CPHXL2: variants seen among roughly 807,000 people sequenced by gnomAD.
CPHXL2 encodes cytoplasmic polyadenylated homeobox-like protein 2.
the CPHXL2 span, among the ~76,000 whole-genome samples, chr16:75,673,302 G>T: frequency 6.6e-6 from 1 of 151,848 alleles, no homozygotes; most frequent in African/African-American, 2.4e-5. Flanking sequence ...GGGCATGGAG[G>T]CACATGCCTG....
chr16:75,662,642 G>A, the CPHXL2 span, among the ~76,000 whole-genome samples: 3 of 152,008 alleles, frequency 2.0e-5, no homozygotes, highest in East Asian at 1.9e-4. Context: ...AATAACCCTA[G>A]TTATTTCATT....
chr16:75,663,747 A>C, the CPHXL2 span, among the ~76,000 whole-genome samples: 1 of 151,718 alleles, frequency 6.6e-6, no homozygotes, highest in African/African-American at 2.4e-5. Flanking sequence ...TTAGCCGGGC[A>C]TGGTGGCGGG....
the CPHXL2 span, among the ~76,000 whole-genome samples, chr16:75,674,218 A>T: frequency 4.6e-5 from 7 of 150,802 alleles, no homozygotes; most frequent in South Asian, 1.3e-3. Flanking sequence ...CTAAAAATAC[A>T]AAAAATTAGC....
At chr16:75,660,668 C>T in the CPHXL2 span, 1 of 398,656 alleles carries the variant, frequency 2.5e-6, no homozygotes, top group East Asian at 3.6e-5. Flanking sequence ...GGTCTTTCTT[C>T]ACCCCGTAAG....
chr16:75,667,845 C>T, the CPHXL2 span, among the ~76,000 whole-genome samples: 1 of 152,262 alleles, frequency 6.6e-6, no homozygotes, highest in Non-Finnish European at 1.5e-5. Flanking sequence ...CCTGCCCCTA[C>T]CTAGGTCCCC....
At chr16:75,665,687 AC>A in the CPHXL2 span, among the ~76,000 whole-genome samples, 1 of 152,174 alleles carries the variant, frequency 6.6e-6, no homozygotes, top group African/African-American at 2.4e-5. Flanking sequence ...ACATGGCGAA[AC>A]CCCAATTCTA....
chr16:75,673,353 T>C, the CPHXL2 span, among the ~76,000 whole-genome samples: 1 of 151,924 alleles, frequency 6.6e-6, no homozygotes, highest in Admixed American at 6.6e-5. Flanking sequence ...GAAGTTTCCT[T>C]TAGCCTGGGA....
chr16:75,663,400 CTG>C, the CPHXL2 span, among the ~76,000 whole-genome samples: 2 of 152,160 alleles, frequency 1.3e-5, no homozygotes, highest in Non-Finnish European at 2.9e-5. Flanking sequence ...CATCTTGAAA[CTG>C]TAAACCAAAA....
At chr16:75,665,580 T>C in the CPHXL2 span, among the ~76,000 whole-genome samples, 2 of 152,158 alleles carry the variant, frequency 1.3e-5, no homozygotes, top group Non-Finnish European at 2.9e-5. Flanking sequence ...CACCAAGGTA[T>C]AGCCAGGTGC....
At chr16:75,671,700 TAAAAC>T in the CPHXL2 span, among the ~76,000 whole-genome samples, 1 of 152,122 alleles carries the variant, frequency 6.6e-6, no homozygotes, top group African/African-American at 2.4e-5. Context: ...ATGGGTGAAT[TAAAAC>T]AAATATTTAT....
chr16:75,660,511 C>T, the CPHXL2 span: 2 of 398,490 alleles, frequency 5.0e-6, no homozygotes, highest in Non-Finnish European at 8.8e-6. Context: ...TTCTCTAGAT[C>T]CCAAGGACCC....
At chr16:75,669,846 A>G in the CPHXL2 span, among the ~76,000 whole-genome samples, 8 of 152,226 alleles carry the variant, frequency 5.3e-5, no homozygotes, top group Non-Finnish European at 1.0e-4. Flanking sequence ...TCAAGCCACA[A>G]TAGCGGAATC....
chr16:75,672,050 T>C, the CPHXL2 span, among the ~76,000 whole-genome samples: 18 of 151,258 alleles, frequency 1.2e-4, no homozygotes, highest in Non-Finnish European at 2.7e-4. Context: ...GGTGGGCGGA[T>C]GACTTGAGGT....
At chr16:75,661,890 T>C in the CPHXL2 span, among the ~76,000 whole-genome samples, 1 of 152,174 alleles carries the variant, frequency 6.6e-6, no homozygotes. Context: ...TGTGAGCAAA[T>C]GTGTTTCCCC....
chr16:75,662,089 G>T, the CPHXL2 span, among the ~76,000 whole-genome samples: 213 of 152,290 alleles, frequency 1.4e-3, no homozygotes, highest in African/African-American at 4.7e-3. Context: ...CTGGCTTTGG[G>T]TTGGGGCTCC....
the CPHXL2 span, among the ~76,000 whole-genome samples, chr16:75,662,306 CT>C: frequency 1.3e-3 from 191 of 142,080 alleles, 1 homozygote; most frequent in Admixed American, 3.2e-3. Flanking sequence ...CCCAAACCCA[CT>C]TTTTTTTTTT....
the CPHXL2 span, among the ~76,000 whole-genome samples, chr16:75,661,604 G>C: frequency 6.6e-6 from 1 of 151,730 alleles, no homozygotes; most frequent in African/African-American, 2.4e-5. Flanking sequence ...TACAGAAGAG[G>C]CTCCCAGCTG....
At chr16:75,668,540 TTG>T in the CPHXL2 span, among the ~76,000 whole-genome samples, 262 of 152,124 alleles carry the variant, frequency 1.7e-3, no homozygotes, top group Middle Eastern at 3.4e-3. Context: ...ATTTTTCATA[TTG>T]TGTGTGTGTG....
chr16:75,676,678 G>A, the CPHXL2 span, among the ~76,000 whole-genome samples: 1 of 152,094 alleles, frequency 6.6e-6, no homozygotes, highest in Non-Finnish European at 1.5e-5. Flanking sequence ...GTCTGATCTA[G>A]AACCCATCCA....
Sources: gnomAD v4.1 joint callset for allele counts (sites outside exome capture counted in the v4.1 genomes callset) on GRCh38, gnomAD v4.1.1 for gene constraint, MANE v1.5 for transcripts, NCBI Gene and HGNC (gene_info 2026-07-23, HGNC 2026-07-21) for gene names.